Variants in IRAK2 observed in about 807,000 individuals in gnomAD.
IRAK2 encodes the protein interleukin-1 receptor-associated kinase-like 2.
Under a neutral mutation model 72.0 loss-of-function variants are expected in IRAK2, and 57 were observed. That is an observed-to-expected ratio of 0.79 (90% confidence interval 0.64 to 0.99). The LOEUF (loss-of-function observed/expected upper bound fraction) is 0.99, where lower values mean the gene tolerates loss of function less well. Ranked by LOEUF, IRAK2 falls within the 50% of genes least tolerant of loss-of-function variation. IRAK2 has a pLI of 0.00. For missense variants in IRAK2, 790 were observed against 794.4 expected, an observed-to-expected ratio of 0.99 and a Z score of 0.07; for synonymous variants, 293 against 312.7, an observed-to-expected ratio of 0.94 and a Z score of 0.67.
At chr3:10,174,786 A>G (rs968120209) in intron 1 of IRAK2, among the ~76,000 whole-genome samples, 5 of 151,896 alleles carry the variant, frequency 3.3e-5, no homozygotes, top group African/African-American at 9.7e-5. Flanking sequence ...CAGCCTCCCA[A>G]AGTGCTGGGA....
At chr3:10,231,382 C>G (rs1242357475) in intron 10 of IRAK2, among the ~76,000 whole-genome samples, 1 of 152,064 alleles carries the variant, frequency 6.6e-6, no homozygotes, top group African/African-American at 2.4e-5. Context: ...ACCTCTGTCT[C>G]CCAGGTTCAA....
intron 6 of IRAK2, among the ~76,000 whole-genome samples, chr3:10,215,994 ATAACTC>A (rs925516068): frequency 1.3e-5 from 2 of 152,164 alleles, no homozygotes; most frequent in African/African-American, 4.8e-5. Context: ...TGACATGTAA[ATAACTC>A]TAATAAGTAT....
At chr3:10,236,388 C>T (rs974679772) in intron 11 of IRAK2, among the ~76,000 whole-genome samples, 6 of 139,836 alleles carry the variant, frequency 4.3e-5, no homozygotes, top group Non-Finnish European at 7.6e-5. Context: ...CACTCTTTCA[C>T]CCAGGCTACA....
rs774444477 is a variant in IRAK2, at chr3:10,242,111, A to G, written c.1766-5A>G. 3 of 1,547,554 alleles carry G rather than the reference A, an allele frequency of 1.9e-6. No individual in the cohort carries two copies. In the Admixed American group the frequency reaches 5.1e-5, roughly 26 times the overall value. On this transcript the variant is annotated splice_polypyrimidine_tract_variant and splice_region_variant and intron_variant, in intron 12 of 12. Coordinates refer to ENST00000256458, the MANE Select transcript of IRAK2 (RefSeq NM_001570.4). ...CGCTCTTGTTTGCTTTCTGTTGAAC[A>G]TCAGTTACAGAAACTTCGTGGCAAA...
chr3:10,221,188 C>A (rs181499440), intron 8 of IRAK2, among the ~76,000 whole-genome samples: 1 of 148,016 alleles, frequency 6.8e-6, no homozygotes, highest in Non-Finnish European at 1.5e-5. Flanking sequence ...GTCAAGAGAT[C>A]GAGACCATCC....
chr3:10,167,191 T>G (rs928120691), intron 1 of IRAK2, among the ~76,000 whole-genome samples: 1 of 152,220 alleles, frequency 6.6e-6, no homozygotes, highest in Non-Finnish European at 1.5e-5. Flanking sequence ...TTCACAGGGC[T>G]GTGTATCCAT....
At chr3:10,204,125 A>G (rs1285837722) in intron 3 of IRAK2, among the ~76,000 whole-genome samples, 1 of 152,244 alleles carries the variant, frequency 6.6e-6, no homozygotes, top group Non-Finnish European at 1.5e-5. Flanking sequence ...TTGGTAAAAT[A>G]CCAAGTACTG....
At chr3:10,213,617 A>G (rs1380184801) in intron 6 of IRAK2, 69 bp downstream of exon 6, 2 of 1,200,958 alleles carry the variant, frequency 1.7e-6, no homozygotes, top group East Asian at 2.3e-5. Flanking sequence ...GTGCCCAGTC[A>G]TGTTTTAAGC....
At chr3:10,231,990 G>A (rs1202243829) in intron 10 of IRAK2, among the ~76,000 whole-genome samples, 20 of 152,156 alleles carry the variant, frequency 1.3e-4, no homozygotes, top group Non-Finnish European at 2.2e-4. Context: ...AGCCGGGCAT[G>A]GTGGCGGGTG....
chr3:10,232,602 T>C (rs113780521), intron 10 of IRAK2, among the ~76,000 whole-genome samples: 3 of 152,210 alleles, frequency 2.0e-5, no homozygotes. Flanking sequence ...AGGTGTCTTC[T>C]GTAGTTTTTT....
Position 10,213,478 on chromosome 3 carries a change from CTA to C in IRAK2, c.724-5_724-4del. ...GATCTTCATGTTCTGATGTCTTTCT[CTA>C]CAGACAGCCTGTTCAAGTCCAGGAT... On this transcript the variant is annotated splice_region_variant and splice_polypyrimidine_tract_variant and intron_variant, in intron 5 of 12. Coordinates refer to ENST00000256458, the MANE Select transcript of IRAK2 (RefSeq NM_001570.4). 6.2e-7 allele frequency: 1 copy of C among 1,613,960 alleles called. No individual in the cohort carries two copies. The highest frequency in any genetic ancestry group is 1.1e-5 in the South Asian group (1 of 91,072).
intron 9 of IRAK2, among the ~76,000 whole-genome samples, chr3:10,223,440 C>T (rs1256074332): frequency 1.3e-5 from 2 of 152,130 alleles, no homozygotes; most frequent in East Asian, 3.9e-4. Context: ...AGCTCATGGT[C>T]TGCATGTAGC....
chr3:10,216,962 C>T lies in IRAK2; in HGVS notation c.817C>T (p.Leu273=), dbSNP rs1274768615. 6.2e-7 allele frequency: 1 copy of T among 1,614,142 alleles called. No individual in the cohort carries two copies. The highest frequency in any genetic ancestry group is 1.7e-5 in the Admixed American group (1 of 60,016). ...CTGCCACCCCAATGTCTTACCTGTG[C>T]TGGGCTTCTGTGCTGCAAGACAGTT... ...RCCHPNVLPV[L]GFCAARQFHS... Residue 273 remains leucine (L), a synonymous_variant, in exon 7 of 13, where the codon CTG becomes TTG. Transcript: ENST00000256458.
intron 3 of IRAK2, among the ~76,000 whole-genome samples, chr3:10,207,324 C>T (rs1362856949): frequency 6.6e-6 from 1 of 152,232 alleles, no homozygotes; most frequent in African/African-American, 2.4e-5. Flanking sequence ...CCACAAATAC[C>T]TGAAGCAGGT....
At chr3:10,175,985 A>AT (rs1326143465) in intron 1 of IRAK2, among the ~76,000 whole-genome samples, 3 of 144,344 alleles carry the variant, frequency 2.1e-5, no homozygotes, top group African/African-American at 7.6e-5. Context: ...AGAGGGGGTG[A>AT]TTTTTGGAAA....
In IRAK2 at chr3:10,219,758, G is replaced by A. The variant is rs1251493801; in HGVS notation, c.982G>A (p.Gly328Ser). The change falls in exon 8 of 13, where the codon GGT becomes AGT. Residue 328 changes from glycine to serine, a missense_variant. Physicochemically the swap from Gly to Ser is moderately conservative, Grantham distance 56. Transcript: ENST00000256458. ...GLLCAVEYLH[G>S]LEIIHSNVKS... ...GCTCTGTGCCGTCGAGTACCTGCATGGTCTGGAGATCATCCACAGCAACGT... is the reference window on the plus strand; with the variant it reads ...GCTCTGTGCCGTCGAGTACCTGCATAGTCTGGAGATCATCCACAGCAACGT... 6.2e-7 allele frequency: 1 copy of A among 1,613,768 alleles called. No individual in the cohort carries two copies. Among genetic ancestry groups the A allele is most frequent in the South Asian group, 1.1e-5 (1 of 91,076 alleles).
At chr3:10,213,634 T>A in intron 6 of IRAK2, 86 bp downstream of exon 6, 1 of 1,005,486 alleles carries the variant, frequency 9.9e-7, no homozygotes, top group Non-Finnish European at 1.6e-6. Context: ...AAGCACTCTA[T>A]TATATATAAA....
rs1258435106 is a variant in IRAK2 at position 10,239,174 on chromosome 3, A to G, written c.1765+135A>G. 7.3e-6 allele frequency: 6 copies of G among 816,758 alleles called. No homozygotes were observed. The East Asian group carries it at 1.6e-4, about 22-fold the overall frequency. The allele number at this position is 816,758 out of a possible 1,614,324, so 50.6% of individuals were successfully genotyped here. A position where few individuals can be genotyped will look rare whatever the true frequency, so the allele number is the denominator to read the frequency against. ...CCATTCACCAACCAGCCAGTTTTTCACAGAGAAACCTGGGAGGCATCCTTG... is the reference window on the plus strand; with the variant it reads ...CCATTCACCAACCAGCCAGTTTTTCGCAGAGAAACCTGGGAGGCATCCTTG... On this transcript the variant is annotated intron_variant, in intron 12 of 12. Coordinates refer to ENST00000256458, the MANE Select transcript of IRAK2 (RefSeq NM_001570.4).
chr3:10,226,893 C>T (rs1439277690), intron 10 of IRAK2, among the ~76,000 whole-genome samples: 1 of 146,002 alleles, frequency 6.8e-6, no homozygotes, highest in African/African-American at 2.6e-5. Flanking sequence ...TTGCAGTGAA[C>T]CAAGATTATG....
Sources: gnomAD v4.1 joint callset for allele counts (sites outside exome capture counted in the v4.1 genomes callset) on GRCh38, gnomAD v4.1.1 for gene constraint, MANE v1.5 for transcripts, NCBI Gene and HGNC (gene_info 2026-07-23, HGNC 2026-07-21) for gene names.